Variants in SBNO2 observed in about 807,000 individuals in gnomAD.
SBNO2 encodes protein strawberry notch homolog 2.
SBNO2 carries 89 observed loss-of-function variants against 146.3 expected under a neutral mutation model. That is an observed-to-expected ratio of 0.61 (90% CI 0.51 to 0.73). The LOEUF is 0.73. SBNO2 is among the 30% of genes least tolerant of loss of function. SBNO2 has a pLI of 0.00. For missense variants in SBNO2, 2,092 were observed against 2,003.7 expected (o/e 1.04, Z -0.84); for synonymous variants, 1,147 against 892.6 (o/e 1.29, Z -5.08).
intron 1 of SBNO2, among the ~76,000 whole-genome samples, chr19:1,165,755 C>CCCCAGATCTCAGACCCCAGACCCCAGAT (rs1245569968): frequency 2.4e-5 from 1 of 41,852 alleles, no homozygotes. Flanking sequence ...AGATCTCAGA[C>CCCCAGATCTCAGACCCCAGACCCCAGAT]CCCAGACCCC....
chr19:1,131,251 C>G (rs576031590), intron 4 of SBNO2, among the ~76,000 whole-genome samples: 1 of 152,184 alleles, frequency 6.6e-6, no homozygotes, highest in Non-Finnish European at 1.5e-5. Flanking sequence ...CCCAGGGAAC[C>G]GGGCCCCTCT....
rs939635314 is a variant in SBNO2 at position 1,150,606 on chromosome 19, C to T, written c.94-1164G>A. Among the ~76,000 whole-genome samples, 11 of 152,148 alleles carry T rather than the reference C, an allele frequency of 7.2e-5. No individual in the cohort carries two copies. Among genetic ancestry groups the T allele is most frequent in the Non-Finnish European group, 1.5e-4 (10 of 67,998 alleles). ...ACCACCAGCCGGGGGCATCATCCTG[C>T]TTATCCCAGCAGGACTGGGGGCCAC... On this transcript the variant is annotated intron_variant, in intron 2 of 31. Coordinates refer to ENST00000361757, the MANE Select transcript of SBNO2 (RefSeq NM_014963.3). This position sits in a 1 kb window ranked among gnomAD's most constrained non-coding sequence, Gnocchi z 6.2.
At chr19:1,152,449 G>A (rs978843827) in intron 2 of SBNO2, among the ~76,000 whole-genome samples, 1 of 152,086 alleles carries the variant, frequency 6.6e-6, no homozygotes, top group African/African-American at 2.4e-5. Context: ...GGCGGGTTTC[G>A]GGGGATGGAG....
intron 23 of SBNO2, 28 bp from the exon 24 acceptor site, chr19:1,111,642 A>C: frequency 6.6e-7 from 1 of 1,514,804 alleles, no homozygotes; most frequent in South Asian, 1.2e-5. Flanking sequence ...CTCGGGGAGG[A>C]GGCCCAGGGA....
At chr19:1,138,500 C>A (rs2080105577) in intron 4 of SBNO2, among the ~76,000 whole-genome samples, 1 of 152,018 alleles carries the variant, frequency 6.6e-6, no homozygotes, top group Admixed American at 6.6e-5. Flanking sequence ...CTGCTGTCAA[C>A]CCATACCTAC....
At chr19:1,147,488 C>A in intron 3 of SBNO2, 68 bp from the exon 4 acceptor site, 1 of 907,908 alleles carries the variant, frequency 1.1e-6, no homozygotes. Context: ...AACACACCTG[C>A]ACCCCCATGG....
In SBNO2 at chr19:1,122,775, A is replaced by G. The variant is rs1391663868; in HGVS notation, c.797T>C (p.Leu266Pro). 1.3e-6 allele frequency: 2 copies of G among 1,537,818 alleles called. No homozygotes were observed. Among genetic ancestry groups the G allele is most frequent in the Non-Finnish European group, 1.7e-6 (2 of 1,146,404 alleles). Residue 266 changes from leucine (L) to proline (P), a missense_variant, in exon 9 of 32, where the codon CTC becomes CCC. Transcript: ENST00000361757. ...AAAGCCCGCGCGCTGCCCGCTGGGG[A>G]GCAGGACCTCGTGTTGCTGTTGCCG... ...TYACQQHEVL[L>P]PSGQRAGFLI...
Position 1,109,774 on chromosome 19 carries a change from A to C in SBNO2, c.3032T>G (p.Leu1011Arg). 1 of 1,366,484 alleles carries C rather than the reference A, an allele frequency of 7.3e-7. No individual in the cohort carries two copies. The highest frequency in any genetic ancestry group is 9.9e-7 in the Non-Finnish European group (1 of 1,011,872). The allele number at this position is 1,366,484 out of a possible 1,614,324, so 84.6% of individuals were successfully genotyped here. A position where few individuals can be genotyped will look rare whatever the true frequency, so the allele number is the denominator to read the frequency against. Residue 1011 changes from leucine to arginine, a missense_variant, in exon 27 of 32, where the codon CTT becomes CGT. By Grantham distance (102) the Leu-to-Arg change is moderately radical. Coordinates refer to ENST00000361757, the MANE Select transcript of SBNO2 (RefSeq NM_014963.3). The surrounding 1 kb of genome is among the most constrained non-coding windows in gnomAD (Gnocchi z 4.2). ...GTAGATCTCCTCGATACCGGGAGCAAGGTCTAGGGGGGCGGGTGGAGGGTA... is the reference window on the plus strand; with the variant it reads ...GTAGATCTCCTCGATACCGGGAGCACGGTCTAGGGGGGCGGGTGGAGGGTA... ...EGKYDMGILD[L>R]APGIEEIYEE...
Position 1,116,097 on chromosome 19 carries a change from C to T in SBNO2, c.1809G>A (p.Val603=). The T allele has an allele frequency of 6.2e-7, 1 of 1,608,714 alleles. No individual in the cohort carries two copies. Among genetic ancestry groups the T allele is most frequent in the Non-Finnish European group, 8.5e-7 (1 of 1,177,968 alleles). ...AGTGCTTCTGAATTAGCGACAGGAA[C>T]ACGCCTCTGAAAGTGAGACGCGGAG... ...LNCFVSAAEG[V]FLSLIQKHFP... Residue 603 remains valine, a synonymous_variant, in exon 17 of 32, where the codon GTG becomes GTA. Coordinates refer to ENST00000361757, the MANE Select transcript of SBNO2 (RefSeq NM_014963.3).
At chr19:1,108,735 C>T (rs753726220) in intron 31 of SBNO2, 31 bp from the exon 32 acceptor site, 4 of 1,581,428 alleles carry the variant, frequency 2.5e-6, no homozygotes, top group South Asian at 2.3e-5. Flanking sequence ...TCAGGGCCGG[C>T]GCTGGGGGCT....
In SBNO2 at chr19:1,126,020, A is replaced by G. The variant is rs1285904766; in HGVS notation, c.441+1584T>C. On this transcript the variant is annotated intron_variant, in intron 5 of 31. Transcript: ENST00000361757. The surrounding 1 kb of genome is among the most constrained non-coding windows in gnomAD (Gnocchi z 4.4). ...AAATAAATAAGTAAATAAATAAATA[A>G]GAGCATCTCTTCTAGACCCGGTCCC... is the stretch of plus-strand genomic sequence containing the variant. Among the ~76,000 whole-genome samples the G allele has an allele frequency of 2.0e-5, 3 of 152,196 alleles. No individual in the cohort carries two copies. Among genetic ancestry groups the G allele is most frequent in the Non-Finnish European group, 4.4e-5 (3 of 68,034 alleles).
chr19:1,142,378 C>A (rs939459096), intron 4 of SBNO2, among the ~76,000 whole-genome samples: 1 of 151,430 alleles, frequency 6.6e-6, no homozygotes, highest in African/African-American at 2.4e-5. Flanking sequence ...CTGCCCGGGT[C>A]CACGGCTCAT....
rs989550285 is a variant in SBNO2 at position 1,150,548 on chromosome 19, C to T, written c.94-1106G>A. Among the ~76,000 whole-genome samples the T allele has an allele frequency of 2.6e-5, 4 of 152,002 alleles. No individual in the cohort carries two copies. The highest frequency in any genetic ancestry group is 6.5e-5 in the Admixed American group (1 of 15,268). ...CCCACGGTCACGGGGGAGACCCTGC[C>T]GTCACGGACGCCCCCGTGGTCATGG... On this transcript the variant is annotated intron_variant, in intron 2 of 31. Transcript: ENST00000361757. The surrounding 1 kb of genome is among the most constrained non-coding windows in gnomAD (Gnocchi z 6.2).
chr19:1,108,147 C>T lies in SBNO2; in HGVS notation c.*73G>A. ...CTGAGCAGTGGTCAGGGGACCTTGG[C>T]CCTGCTCCCCACCGCTGCTCCTAGG... On this transcript the variant is annotated 3_prime_UTR_variant, in exon 32 of 32. Transcript: ENST00000361757. 1 of 1,421,470 alleles carries T rather than the reference C, an allele frequency of 7.0e-7. No homozygotes were observed. The highest frequency in any genetic ancestry group is 9.3e-7 in the Non-Finnish European group (1 of 1,073,646). The allele number at this position is 1,421,470 out of a possible 1,614,324, so 88.1% of individuals were successfully genotyped here. A position where few individuals can be genotyped will look rare whatever the true frequency, so the allele number is the denominator to read the frequency against.
intron 1 of SBNO2, among the ~76,000 whole-genome samples, chr19:1,163,621 G>A (rs1232378650): frequency 6.6e-6 from 1 of 152,240 alleles, no homozygotes; most frequent in East Asian, 1.9e-4. Flanking sequence ...CTGGACCGCA[G>A]TGGCTCCAGG....
chr19:1,158,366 C>T lies in SBNO2; in HGVS notation c.-126-3964G>A, dbSNP rs1178792141. Among the ~76,000 whole-genome samples the T allele has an allele frequency of 1.3e-5, 2 of 152,146 alleles. No individual in the cohort carries two copies. The highest frequency in any genetic ancestry group is 4.8e-5 in the African/African-American group (2 of 41,410). On this transcript the variant is annotated intron_variant, in intron 1 of 31. Transcript: ENST00000361757. This position sits in a 1 kb window ranked among gnomAD's most constrained non-coding sequence, Gnocchi z 9.9. ...GCACTTTCGGATGTGGACACGGAGG[C>T]CCCTAGGTGGAGCCTTGACGTGACC...
rs956978220 is a variant in SBNO2 at position 1,158,530 on chromosome 19, G to A, written c.-126-4128C>T. 1.3e-5 allele frequency among the ~76,000 whole-genome samples: 2 copies of A among 152,168 alleles called. No homozygotes were observed. The highest frequency in any genetic ancestry group is 2.4e-5 in the African/African-American group (1 of 41,432). On this transcript the variant is annotated intron_variant, in intron 1 of 31. Coordinates refer to ENST00000361757, the MANE Select transcript of SBNO2 (RefSeq NM_014963.3). The surrounding 1 kb of genome is among the most constrained non-coding windows in gnomAD (Gnocchi z 9.9). ...CAGGGCGCACGGCACACCCCAGAGC[G>A]CTCCGCCCAGGCCCGGGTTCTGGTC... is the stretch of plus-strand genomic sequence containing the variant.
rs539984017 is a variant in SBNO2, at chr19:1,112,304, G to A, written c.2516-3C>T. ...CTGGTTGGACCGGTGGGTGCGGCCT[G>A]GGGGCAGAGCTGCTCTCAGGGCCCG... On this transcript the variant is annotated splice_region_variant and splice_polypyrimidine_tract_variant and intron_variant, in intron 21 of 31. Coordinates refer to ENST00000361757, the MANE Select transcript of SBNO2 (RefSeq NM_014963.3). The surrounding 1 kb of genome is among the most constrained non-coding windows in gnomAD (Gnocchi z 5.9). The A allele has an allele frequency of 6.3e-6, 10 of 1,581,184 alleles. No homozygotes were observed. The South Asian group carries it at 1.0e-4, about 16-fold the overall frequency.
chr19:1,157,129 C>T lies in SBNO2; in HGVS notation c.-126-2727G>A, dbSNP rs2080297977. Among the ~76,000 whole-genome samples the T allele has an allele frequency of 6.6e-6, 1 of 152,072 alleles. No homozygotes were observed. Among genetic ancestry groups the T allele is most frequent in the Admixed American group, 6.5e-5 (1 of 15,274 alleles). On this transcript the variant is annotated intron_variant, in intron 1 of 31. Transcript: ENST00000361757. This position sits in a 1 kb window ranked among gnomAD's most constrained non-coding sequence, Gnocchi z 6.8. The stretch of plus-strand genomic sequence containing the variant: ...GCAGACTCGGTCCTGTCCGAGGGCC[C>T]ACGCCCCCAAGGGCTGGCTCCCACC...
Sources: allele counts gnomAD v4.1 joint callset (sites outside exome capture counted in the v4.1 genomes callset), GRCh38; gene constraint gnomAD v4.1.1; non-coding constraint Gnocchi (gnomAD v3.1); transcripts MANE v1.5; gene names NCBI Gene and HGNC (gene_info 2026-07-23, HGNC 2026-07-21).